Variants in ANKRD31 observed in about 807,000 individuals in gnomAD.
ANKRD31 encodes ankyrin repeat domain 31.
ANKRD31 carries 147 observed loss-of-function variants against 186.0 expected under a neutral mutation model. The observed-to-expected ratio is 0.79, with a 90% CI of 0.69 to 0.91. The LOEUF (loss-of-function observed/expected upper bound fraction) is 0.91. ANKRD31 is among the 40% of genes least tolerant of loss of function. The pLI is 0.00. For missense variants in ANKRD31, 1,986 were observed against 2,148.8 expected, an observed-to-expected ratio of 0.92 and a Z score of 1.50; for synonymous variants, 673 against 736.4, an observed-to-expected ratio of 0.91 and a Z score of 1.39.
intron 10 of ANKRD31, among the ~76,000 whole-genome samples, chr5:75,186,821 A>T (rs919484609): frequency 2.0e-5 from 3 of 152,168 alleles, no homozygotes; most frequent in African/African-American, 4.8e-5. Flanking sequence ...CATTTTGTTC[A>T]TTTCTCACAG....
chr5:75,188,780 A>G, intron 9 of ANKRD31, 132 bp from the exon 10 acceptor site: 3 of 706,742 alleles, frequency 4.2e-6, no homozygotes, highest in Non-Finnish European at 6.7e-6. Context: ...TCAATAGTGT[A>G]GAAGTGAAGT....
chr5:75,116,775 C>A, intron 18 of ANKRD31, 94 bp from the exon 19 acceptor site: 1 of 575,470 alleles, frequency 1.7e-6, no homozygotes, highest in Non-Finnish European at 2.6e-6. Flanking sequence ...AAGGATAAGT[C>A]AAGTCTGCAA....
intron 25 of ANKRD31, among the ~76,000 whole-genome samples, chr5:75,076,342 C>G (rs1744648321): frequency 6.6e-6 from 1 of 152,112 alleles, no homozygotes; most frequent in Non-Finnish European, 1.5e-5. Flanking sequence ...GTGCCTCTAC[C>G]CCACCCCAAG....
At chr5:75,155,742 A>G (rs890660919) in intron 11 of ANKRD31, among the ~76,000 whole-genome samples, 1 of 152,156 alleles carries the variant, frequency 6.6e-6, no homozygotes, top group African/African-American at 2.4e-5. Context: ...AAAAATTAAA[A>G]GCGTATATAT....
At chr5:75,113,281 G>C (rs1747927851) in intron 19 of ANKRD31, among the ~76,000 whole-genome samples, 1 of 152,070 alleles carries the variant, frequency 6.6e-6, no homozygotes, top group Non-Finnish European at 1.5e-5. Flanking sequence ...AAATGCTAAG[G>C]ACAATGTCAG....
chr5:75,161,752 T>C (rs1207972760), intron 11 of ANKRD31, among the ~76,000 whole-genome samples: 2 of 152,272 alleles, frequency 1.3e-5, no homozygotes, highest in East Asian at 3.9e-4. Flanking sequence ...CCTAGGGACT[T>C]GGTGCCCTGT....
chr5:75,104,789 T>C lies in ANKRD31; in HGVS notation c.4770A>G (p.Lys1590=), dbSNP rs1222061890. 2 of 1,537,218 alleles carry C rather than the reference T, an allele frequency of 1.3e-6. No individual in the cohort carries two copies. Among genetic ancestry groups the C allele is most frequent in the Admixed American group, 3.9e-5 (2 of 50,998 alleles). ...TCTCTGTGCCATCTGAATGTCTGGA[T>C]TTTGGAAAACCATCCAAGGTACAAT... ...GSDCTLDGFP[K]SRHSDGTEKN... is the part of the protein sequence containing the mutation. The change falls in exon 22 of 26, where the codon AAA becomes AAG. Residue 1590 remains lysine (K), a synonymous_variant. Transcript: ENST00000506364.
At position 75,147,150 on chromosome 5, in the gene ANKRD31, G is replaced by C. The variant is rs765635797; in HGVS notation, c.2261C>G (p.Ser754Cys). ...DCNPRKILAV[S>C]PSRRINRLVT... ...CAATCTGTTTATTCTCCTGGAAGGA[G>C]AGACAGCTAGTATCTTTCTTGGATT... The change falls in exon 14 of 26, where the codon TCT (serine) becomes TGT (cysteine). Residue 754 changes from serine (S) to cysteine (C), a missense_variant. By Grantham distance (112) the Ser-to-Cys change is moderately radical. Coordinates refer to ENST00000506364, the MANE Select transcript of ANKRD31 (RefSeq NM_001372053.1). 2 of 1,536,280 alleles carry C rather than the reference G, an allele frequency of 1.3e-6. No individual in the cohort carries two copies. Among genetic ancestry groups the C allele is most frequent in the South Asian group, 1.2e-5 (1 of 84,022 alleles).
rs2150251225 is a variant in ANKRD31 at position 75,195,960 on chromosome 5, A to T, written c.688T>A (p.Ser230Thr). The change falls in exon 7 of 26, where the codon TCA becomes ACA. Residue 230 changes from serine (S) to threonine (T), a missense_variant. Coordinates refer to ENST00000506364, the MANE Select transcript of ANKRD31 (RefSeq NM_001372053.1). ...CTTTCCTCCTGGGTGCTTTCTGGTG[A>T]TGTAAGTAAACTTTCTAAGGCAGAC... ...FVSALESLLT[S>T]PESTQEERLF... is the part of the protein sequence containing the mutation. 1 of 1,532,412 alleles carries T rather than the reference A, an allele frequency of 6.5e-7. No homozygotes were observed. The highest frequency in any genetic ancestry group is 2.4e-5 in the East Asian group (1 of 40,856). The allele number at this position is 1,532,412 out of a possible 1,614,324, so 94.9% of individuals were successfully genotyped here. A position where few individuals can be genotyped will look rare whatever the true frequency, so the allele number is the denominator to read the frequency against.
At chr5:75,210,995 C>A in intron 3 of ANKRD31, 130 bp from the exon 4 acceptor site, 1 of 608,946 alleles carries the variant, frequency 1.6e-6, no homozygotes, top group Non-Finnish European at 2.7e-6. Flanking sequence ...GTAAAATACA[C>A]ATAAAATTTA....
At chr5:75,092,216 T>C (rs1201002663) in intron 22 of ANKRD31, among the ~76,000 whole-genome samples, 1 of 152,144 alleles carries the variant, frequency 6.6e-6, no homozygotes, top group Non-Finnish European at 1.5e-5. Flanking sequence ...GTAGAAGTTG[T>C]GGTAAAAGGC....
At chr5:75,219,384 A>G (rs76047885) in intron 3 of ANKRD31, among the ~76,000 whole-genome samples, 10,444 of 152,214 alleles carry the variant, frequency 0.069, 432 homozygotes, top group Middle Eastern at 0.17. Context: ...AGTCCCATTC[A>G]CAATTGCCAA....
At chr5:75,191,536 A>G (rs1284503098) in intron 9 of ANKRD31, among the ~76,000 whole-genome samples, 5 of 152,064 alleles carry the variant, frequency 3.3e-5, no homozygotes, top group African/African-American at 1.2e-4. Context: ...ATTTTCTCAT[A>G]GCTACTCTCT....
At chr5:75,202,890 C>T (rs10058460) in intron 5 of ANKRD31, among the ~76,000 whole-genome samples, 76,837 of 152,128 alleles carry the variant, frequency 0.51, 22,344 homozygotes, top group African/African-American at 0.81. Flanking sequence ...GTCACAGCAG[C>T]TTTAGGGCAG....
chr5:75,168,936 G>T (rs180878124), intron 11 of ANKRD31, 43 bp downstream of exon 11: 2 of 1,465,702 alleles, frequency 1.4e-6, no homozygotes, highest in East Asian at 2.5e-5. Flanking sequence ...TTTAATATTT[G>T]CAAAATATAG....
At chr5:75,183,041 A>G (rs376823049) in intron 10 of ANKRD31, among the ~76,000 whole-genome samples, 4 of 152,230 alleles carry the variant, frequency 2.6e-5, no homozygotes, top group Non-Finnish European at 5.9e-5. Flanking sequence ...TCAACAGTAC[A>G]TTAAAAAGAT....
intron 10 of ANKRD31, among the ~76,000 whole-genome samples, chr5:75,172,677 G>A (rs1400271480): frequency 6.6e-6 from 1 of 152,084 alleles, no homozygotes; most frequent in Non-Finnish European, 1.5e-5. Context: ...ACCCTCCCAA[G>A]ACTAAACCAG....
At chr5:75,099,668 A>T (rs1746653256) in intron 22 of ANKRD31, among the ~76,000 whole-genome samples, 1 of 152,104 alleles carries the variant, frequency 6.6e-6, no homozygotes. Context: ...GGGAGGGTGT[A>T]TGTGTCCAGG....
intron 25 of ANKRD31, among the ~76,000 whole-genome samples, chr5:75,070,161 C>T (rs7701262): frequency 0.51 from 77,232 of 152,048 alleles, 22,681 homozygotes; most frequent in African/African-American, 0.82. Context: ...AACATAGTAA[C>T]TCCTTTATTA....
Sources: gnomAD v4.1 joint callset for allele counts (sites outside exome capture counted in the v4.1 genomes callset) on GRCh38, gnomAD v4.1.1 for gene constraint, MANE v1.5 for transcripts, NCBI Gene and HGNC (gene_info 2026-07-23, HGNC 2026-07-21) for gene names.